The following HTR4 variants were observed in gnomAD, a reference collection of about 807,000 sequenced individuals.
HTR4 encodes the protein 5-hydroxytryptamine receptor 4.
A neutral mutation model predicts 36.8 loss-of-function variants in HTR4; 16 were observed. The observed-to-expected ratio is 0.43, with a 90% CI of 0.29 to 0.66. The LOEUF (loss-of-function observed/expected upper bound fraction) is 0.66, where lower values mean the gene tolerates loss of function less well. HTR4 is among the 30% of genes least tolerant of loss of function. The pLI, the probability that HTR4 is intolerant of heterozygous loss-of-function variation, is 0.13. For synonymous variants in HTR4, 189 were observed against 185.1 expected, an observed-to-expected ratio of 1.02 and a Z score of -0.17; for missense variants, 438 against 490.9, an observed-to-expected ratio of 0.89 and a Z score of 1.02.
At chr5:148,526,604 C>T (rs1042317817) in intron 4 of HTR4, among the ~76,000 whole-genome samples, 1 of 152,054 alleles carries the variant, frequency 6.6e-6, no homozygotes, top group African/African-American at 2.4e-5. Flanking sequence ...TTCACCACAA[C>T]CAAGGTATGG....
At chr5:148,640,591 T>G (rs143123438) in intron 1 of HTR4, among the ~76,000 whole-genome samples, 2,178 of 152,220 alleles carry the variant, frequency 0.014, 25 homozygotes, top group Non-Finnish European at 0.024. Flanking sequence ...ACTACATAAT[T>G]TGAGGCTTAA....
intron 2 of HTR4, among the ~76,000 whole-genome samples, chr5:148,588,241 T>C (rs912399221): frequency 6.6e-6 from 1 of 152,240 alleles, no homozygotes; most frequent in African/African-American, 2.4e-5. Flanking sequence ...CTTGCATTGT[T>C]GACCAACCTC....
At position 148,482,673 on chromosome 5, in the gene HTR4, G is replaced by C; in HGVS notation, c.*530C>G. Reference sequence around the variant, plus strand: ...GAAAAGTGTGTTAGCGTCTGGCACAGAACAGGGCGAAGAAGAGGCAGGGGA... The same window carrying C: ...GAAAAGTGTGTTAGCGTCTGGCACACAACAGGGCGAAGAAGAGGCAGGGGA... On this transcript the variant is annotated 3_prime_UTR_variant, in exon 7 of 7. Transcript: ENST00000377888. 1.0e-6 allele frequency: 1 copy of C among 1,000,498 alleles called. No individual in the cohort carries two copies. The highest frequency in any genetic ancestry group is 1.2e-6 in the Non-Finnish European group (1 of 837,636). The allele number at this position is 1,000,498 out of a possible 1,614,324, so 62.0% of individuals were successfully genotyped here.
At chr5:148,496,303 A>C (rs1756682334) in intron 6 of HTR4, among the ~76,000 whole-genome samples, 1 of 152,178 alleles carries the variant, frequency 6.6e-6, no homozygotes, top group African/African-American at 2.4e-5. Flanking sequence ...GGGACCCAGG[A>C]ATCTGTGTTT....
At chr5:148,653,402 A>G (rs537518946) in intron 1 of HTR4, among the ~76,000 whole-genome samples, 1 of 152,252 alleles carries the variant, frequency 6.6e-6, no homozygotes, top group South Asian at 2.1e-4. Flanking sequence ...AACTAACAGC[A>G]CAGTGCCGCA....
chr5:148,550,547 A>T (rs1400534463), intron 2 of HTR4, among the ~76,000 whole-genome samples: 1 of 152,216 alleles, frequency 6.6e-6, no homozygotes, highest in Non-Finnish European at 1.5e-5. Context: ...TTCAACTAGC[A>T]TTCAGACATA....
intron 4 of HTR4, among the ~76,000 whole-genome samples, chr5:148,539,069 C>T (rs1272201362): frequency 6.6e-6 from 1 of 152,050 alleles, no homozygotes; most frequent in Non-Finnish European, 1.5e-5. Context: ...AGAGATAAGA[C>T]CACACACCTA....
Position 148,481,832 on chromosome 5 carries a change from A to G in HTR4, c.*1371T>C, listed in dbSNP as rs1010172835. ...AGAGCCACTGACTCAGCTTTGAATA[A>G]AAGACATCCAGATTAATCTGAAGGA... On this transcript the variant is annotated 3_prime_UTR_variant, in exon 7 of 7. Transcript: ENST00000377888. The G allele has an allele frequency of 7.5e-7, 1 of 1,330,670 alleles. No homozygotes were observed. The highest frequency in any genetic ancestry group is 9.5e-7 in the Non-Finnish European group (1 of 1,047,210). The allele number at this position is 1,330,670 out of a possible 1,614,324, so 82.4% of individuals were successfully genotyped here.
At chr5:148,521,770 C>A (rs925851670) in intron 5 of HTR4, among the ~76,000 whole-genome samples, 1 of 152,014 alleles carries the variant, frequency 6.6e-6, no homozygotes, top group Non-Finnish European at 1.5e-5. Flanking sequence ...CATTGAGAAC[C>A]AATGGATCTT....
intron 2 of HTR4, among the ~76,000 whole-genome samples, chr5:148,631,814 C>T (rs986908556): frequency 1.3e-5 from 2 of 152,092 alleles, no homozygotes; most frequent in African/African-American, 4.8e-5. Flanking sequence ...TAATTTGAAG[C>T]CAACTACTCA....
At chr5:148,634,613 A>C (rs1273382634) in intron 2 of HTR4, among the ~76,000 whole-genome samples, 1 of 152,186 alleles carries the variant, frequency 6.6e-6, no homozygotes, top group African/African-American at 2.4e-5. Flanking sequence ...CAAGCTAGAA[A>C]ATTTTCCTGA....
intron 1 of HTR4, chr5:148,645,112 C>T (rs2127315652): frequency 6.6e-6 from 1 of 152,142 alleles, no homozygotes; most frequent in South Asian, 2.1e-4. Context: ...AGTTAATGTT[C>T]CAGATGGTAT....
At chr5:148,648,645 G>A (rs184533471) in intron 1 of HTR4, among the ~76,000 whole-genome samples, 1 of 152,186 alleles carries the variant, frequency 6.6e-6, no homozygotes, top group Non-Finnish European at 1.5e-5. Context: ...TGTGATAGGA[G>A]GGGACATTTA....
intron 2 of HTR4, among the ~76,000 whole-genome samples, chr5:148,606,729 T>C (rs565090533): frequency 4.6e-5 from 7 of 152,350 alleles, no homozygotes; most frequent in African/African-American, 1.4e-4. Flanking sequence ...GATTTACGTT[T>C]GTGATGCTGT....
At chr5:148,487,062 T>TCC (rs1415304511) in intron 6 of HTR4, among the ~76,000 whole-genome samples, 1 of 151,904 alleles carries the variant, frequency 6.6e-6, no homozygotes, top group Non-Finnish European at 1.5e-5. Context: ...TTGTAATCAT[T>TCC]TTGGTAAAAT....
chr5:148,504,037 T>G (rs936559124), intron 6 of HTR4, among the ~76,000 whole-genome samples: 1 of 152,060 alleles, frequency 6.6e-6, no homozygotes, highest in Non-Finnish European at 1.5e-5. Flanking sequence ...TCCCACACAA[T>G]AATAATGGGA....
intron 5 of HTR4, among the ~76,000 whole-genome samples, chr5:148,460,990 G>A (rs1474828297): frequency 5.9e-5 from 9 of 151,910 alleles, no homozygotes; most frequent in Non-Finnish European, 1.0e-4. Flanking sequence ...GAGGAATTAT[G>A]ATTATTTTGT....
chr5:148,623,060 T>C (rs1415023180), intron 2 of HTR4, among the ~76,000 whole-genome samples: 1 of 151,920 alleles, frequency 6.6e-6, no homozygotes, highest in Non-Finnish European at 1.5e-5. Flanking sequence ...AAAAAGAGTG[T>C]TGGGCAGAGT....
At chr5:148,523,373 T>C (rs756670124) in intron 4 of HTR4, 27 bp from the exon 5 acceptor site, 2 of 1,574,874 alleles carry the variant, frequency 1.3e-6, no homozygotes, top group South Asian at 2.4e-5. Context: ...GGGCAGAGCA[T>C]AGGCATGGGC....
Sources: allele counts gnomAD v4.1 joint callset (sites outside exome capture counted in the v4.1 genomes callset), GRCh38; gene constraint gnomAD v4.1.1; transcripts MANE v1.5; gene names NCBI Gene and HGNC (gene_info 2026-07-23, HGNC 2026-07-21).